Variants in HSD17B4 observed in about 807,000 individuals in gnomAD.
HSD17B4 encodes peroxisomal multifunctional enzyme type 2.
Under a neutral mutation model 101.0 loss-of-function variants are expected in HSD17B4, and 70 were observed. The ratio of observed to expected loss-of-function variants is 0.69; its 90% CI spans 0.57 to 0.85. The LOEUF is 0.85. HSD17B4 is among the 40% of genes least tolerant of loss of function. HSD17B4 has a pLI of 0.00. For synonymous variants in HSD17B4, 347 were observed against 297.1 expected, an observed-to-expected ratio of 1.17 and a Z score of -1.73; for missense variants, 984 against 892.4, an observed-to-expected ratio of 1.10 and a Z score of -1.31.
chr5:119,540,529 A>G (rs1160619812), intron 23 of HSD17B4, among the ~76,000 whole-genome samples: 1 of 152,222 alleles, frequency 6.6e-6, no homozygotes, highest in Non-Finnish European at 1.5e-5. Flanking sequence ...TTTAGTACAT[A>G]GCAGGCTGGC....
chr5:119,517,997 C>T (rs1227796349), intron 17 of HSD17B4, among the ~76,000 whole-genome samples: 7 of 152,142 alleles, frequency 4.6e-5, no homozygotes, highest in Admixed American at 3.3e-4. Context: ...CACCAATCAG[C>T]GCCCTGTCAA....
In HSD17B4 at chr5:119,493,626, C is replaced by A. The variant is rs1320188073; in HGVS notation, c.740-192C>A. ...TTTTTCCCTTCAGCTTCAAATGTTT[C>A]TTTAAATTGACCTTATCCTAGTGGG... On this transcript the variant is annotated intron_variant, in intron 10 of 23. Transcript: ENST00000510025. 3 of 545,440 alleles carry A rather than the reference C, an allele frequency of 5.5e-6. No homozygotes were observed. In the African/African-American group the frequency reaches 5.7e-5, roughly 10 times the overall value. The allele number at this position is 545,440 out of a possible 1,614,324, so 33.8% of individuals were successfully genotyped here. A position where few individuals can be genotyped will look rare whatever the true frequency, so the allele number is the denominator to read the frequency against.
chr5:119,504,679 C>T (rs1471712419), intron 14 of HSD17B4, among the ~76,000 whole-genome samples: 1 of 152,036 alleles, frequency 6.6e-6, no homozygotes, highest in East Asian at 1.9e-4. Context: ...AGACATTAGA[C>T]CTCTATTGGA....
At chr5:119,486,567 G>A (rs1301384183) in intron 8 of HSD17B4, among the ~76,000 whole-genome samples, 1 of 152,068 alleles carries the variant, frequency 6.6e-6, no homozygotes, top group East Asian at 1.9e-4. Context: ...AAAAAATTTG[G>A]GGGAATTGTA....
chr5:119,494,512 C>T (rs948315794), intron 11 of HSD17B4, among the ~76,000 whole-genome samples: 5 of 151,888 alleles, frequency 3.3e-5, no homozygotes, highest in Admixed American at 3.3e-4. Context: ...TAACATAGTT[C>T]TTCTACCTTT....
chr5:119,459,394 A>G (rs13170615), intron 2 of HSD17B4, among the ~76,000 whole-genome samples: 2 of 152,234 alleles, frequency 1.3e-5, no homozygotes, highest in South Asian at 2.1e-4. Flanking sequence ...ACTCTGCTCA[A>G]GAACTGGATA....
chr5:119,473,762 T>A (rs1748274529), intron 2 of HSD17B4, 146 bp from the exon 3 acceptor site: 1 of 684,918 alleles, frequency 1.5e-6, no homozygotes, highest in Non-Finnish European at 2.7e-6. Flanking sequence ...TGTGTTGTGT[T>A]TAGTAAGATG....
chr5:119,457,209 C>T (rs1278416820), intron 2 of HSD17B4, among the ~76,000 whole-genome samples: 2 of 152,128 alleles, frequency 1.3e-5, no homozygotes, highest in Non-Finnish European at 1.5e-5. Context: ...GTGCTAAGTG[C>T]AGGGGGATAT....
At position 119,525,738 on chromosome 5, in the gene HSD17B4, A is replaced by C. The variant is rs1460222987; in HGVS notation, c.1574-179A>C. 6.7e-5 allele frequency: 28 copies of C among 420,926 alleles called. No homozygotes were observed. In the South Asian group the frequency reaches 1.2e-3, roughly 19 times the overall value. 26.1% of individuals were successfully genotyped at this position (420,926 alleles called of 1,614,324 possible). The stretch of plus-strand genomic sequence containing the variant: ...GTTTTTTTTTTTTCTTTCTTTCTTT[A>C]TTTCATAATTTCCTCCCAGGAAATA... On this transcript the variant is annotated intron_variant, in intron 18 of 23. Coordinates refer to ENST00000510025, the MANE Select transcript of HSD17B4 (RefSeq NM_000414.4).
chr5:119,531,515 AG>A (rs1158339023), intron 22 of HSD17B4, 111 bp downstream of exon 22: 2 of 1,097,074 alleles, frequency 1.8e-6, no homozygotes, highest in African/African-American at 3.2e-5. Context: ...TTTTTAGGTA[AG>A]TTTTTTTTCT....
At chr5:119,525,669 A>T (rs1448273509) in intron 18 of HSD17B4, 1 of 550,544 alleles carries the variant, frequency 1.8e-6, no homozygotes, top group Admixed American at 3.2e-5. Flanking sequence ...AAAACTAAAC[A>T]AAACAATTGT....
At chr5:119,497,388 T>C (rs1197945539) in intron 12 of HSD17B4, among the ~76,000 whole-genome samples, 3 of 152,218 alleles carry the variant, frequency 2.0e-5, no homozygotes, top group Admixed American at 6.5e-5. Flanking sequence ...CTAGTCCAGA[T>C]ATGTATGCCT....
intron 17 of HSD17B4, among the ~76,000 whole-genome samples, chr5:119,518,590 G>A: frequency 6.6e-6 from 1 of 152,176 alleles, no homozygotes; most frequent in East Asian, 1.9e-4. Context: ...CATGACGTGT[G>A]TATAAGGGGT....
intron 18 of HSD17B4, chr5:119,525,685 C>T: frequency 1.8e-6 from 1 of 561,340 alleles, no homozygotes; most frequent in Non-Finnish European, 3.2e-6. Flanking sequence ...ATTGTGTTTC[C>T]AGATCTCTCA....
intron 22 of HSD17B4, among the ~76,000 whole-genome samples, chr5:119,534,659 A>T (rs774690964): frequency 6.6e-6 from 1 of 152,038 alleles, no homozygotes. Flanking sequence ...GTTGGTTCCA[A>T]ACATTGGATT....
At chr5:119,522,061 T>C (rs185290515) in intron 17 of HSD17B4, among the ~76,000 whole-genome samples, 1 of 152,240 alleles carries the variant, frequency 6.6e-6, no homozygotes, top group East Asian at 1.9e-4. Context: ...ACGTTAGGTA[T>C]ATCTCCTAAT....
chr5:119,487,165 T>A (rs1467937959), intron 8 of HSD17B4: 1 of 151,976 alleles, frequency 6.6e-6, no homozygotes, highest in African/African-American at 2.4e-5. Context: ...TACCTAGGTA[T>A]CAGTATTGTT....
chr5:119,485,729 G>C (rs1474867286), intron 8 of HSD17B4, among the ~76,000 whole-genome samples: 1 of 152,116 alleles, frequency 6.6e-6, no homozygotes, highest in South Asian at 2.1e-4. Flanking sequence ...CTTGATACGT[G>C]AAAAATAATG....
At chr5:119,487,807 A>C (rs540694395) in intron 8 of HSD17B4, among the ~76,000 whole-genome samples, 30 of 152,238 alleles carry the variant, frequency 2.0e-4, no homozygotes, top group Non-Finnish European at 4.0e-4. Context: ...AAATTAGAGG[A>C]ATGTTATGTA....
Sources: allele counts gnomAD v4.1 joint callset (sites outside exome capture counted in the v4.1 genomes callset), GRCh38; gene constraint gnomAD v4.1.1; transcripts MANE v1.5; gene names NCBI Gene and HGNC (gene_info 2026-07-23, HGNC 2026-07-21).